The following KIZ variants were observed in gnomAD, a reference collection of about 807,000 sequenced individuals.
KIZ encodes the protein centrosomal protein kizuna.
In KIZ, 68 loss-of-function variants were observed where a neutral mutation model predicts 79.6. That is an observed-to-expected ratio of 0.85 (90% CI 0.70 to 1.05). The LOEUF (loss-of-function observed/expected upper bound fraction) is 1.05, where lower values mean the gene tolerates loss of function less well. Ranked by LOEUF, KIZ falls within the 50% of genes least tolerant of loss-of-function variation. The pLI, the probability that KIZ is intolerant of heterozygous loss-of-function variation, is 0.00. For synonymous variants in KIZ, 280 were observed against 281.8 expected (o/e 0.99, Z 0.06); for missense variants, 797 against 800.4 (o/e 1.00, Z 0.05).
chr20:21,201,323 T>C (rs1222378251), intron 6 of KIZ, among the ~76,000 whole-genome samples: 2 of 152,254 alleles, frequency 1.3e-5, no homozygotes, highest in African/African-American at 4.8e-5. Context: ...TATTGTCTTC[T>C]GGAAAACATT....
chr20:21,176,578 A>C (rs1021117692), intron 6 of KIZ, among the ~76,000 whole-genome samples: 2 of 152,104 alleles, frequency 1.3e-5, no homozygotes, highest in African/African-American at 4.8e-5. Context: ...GCAAAAAAAA[A>C]AAAAAAATAC....
chr20:21,209,273 G>C (rs2035964978), intron 7 of KIZ, among the ~76,000 whole-genome samples: 1 of 152,176 alleles, frequency 6.6e-6, no homozygotes, highest in African/African-American at 2.4e-5. Context: ...TGAGCTGCCT[G>C]CTTTTAAATT....
rs762733814 is a variant in KIZ at position 21,162,167 on chromosome 20, G to GA, written c.706dup (p.Met236AsnfsTer10). On this transcript the variant is annotated frameshift_variant, in exon 5 of 13. Coordinates refer to ENST00000619189, the MANE Select transcript of KIZ (RefSeq NM_018474.6). LOFTEE classifies it high-confidence loss of function. ...GAAAGGCATCTCTTCAGATTGGTGA[G>GA]AAAATGCCAGTCACAGCCAGTGTAT... The GA allele has an allele frequency of 8.7e-6, 14 of 1,611,074 alleles. No individual in the cohort carries two copies. In the South Asian group the frequency reaches 1.4e-4, roughly 16 times the overall value.
intron 6 of KIZ, among the ~76,000 whole-genome samples, chr20:21,181,232 A>G (rs1365966563): frequency 1.3e-5 from 2 of 152,156 alleles, no homozygotes; most frequent in Non-Finnish European, 2.9e-5. Flanking sequence ...AGGGTCTGCA[A>G]AGTGTCTTTT....
chr20:21,240,195 G>A (rs2037167123), intron 11 of KIZ, among the ~76,000 whole-genome samples: 1 of 152,138 alleles, frequency 6.6e-6, no homozygotes, highest in East Asian at 1.9e-4. Flanking sequence ...TGCAATGTCA[G>A]CTCACTGTAA....
intron 4 of KIZ, among the ~76,000 whole-genome samples, chr20:21,147,994 T>TGTGTGTGTGGGG (rs1305964631): frequency 6.6e-6 from 1 of 151,134 alleles, no homozygotes; most frequent in African/African-American, 2.4e-5. Flanking sequence ...TGTGTGTGTG[T>TGTGTGTGTGGGG]GGCAGCAGAT....
chr20:21,147,075 A>G (rs1378076206), intron 4 of KIZ, among the ~76,000 whole-genome samples: 1 of 152,194 alleles, frequency 6.6e-6, no homozygotes, highest in Non-Finnish European at 1.5e-5. Flanking sequence ...TTTCTATGCC[A>G]TTCTTGATAG....
At chr20:21,182,805 A>T (rs1273364837) in intron 6 of KIZ, among the ~76,000 whole-genome samples, 1 of 150,638 alleles carries the variant, frequency 6.6e-6, no homozygotes, top group East Asian at 1.9e-4. Flanking sequence ...CCCACCAAAA[A>T]AAAAAAAAAA....
At chr20:21,231,999 G>A (rs182958615) in intron 10 of KIZ, among the ~76,000 whole-genome samples, 27 of 152,326 alleles carry the variant, frequency 1.8e-4, no homozygotes, top group African/African-American at 6.3e-4. Flanking sequence ...ATGCAAGCAG[G>A]CAGGTTACAG....
chr20:21,230,682 T>A (rs1454822341), intron 10 of KIZ, among the ~76,000 whole-genome samples: 2 of 152,184 alleles, frequency 1.3e-5, no homozygotes, highest in Non-Finnish European at 2.9e-5. Flanking sequence ...AAAAGCCCCC[T>A]GGGAGAGCCG....
chr20:21,223,867 G>A (rs546968714), intron 9 of KIZ, among the ~76,000 whole-genome samples: 19 of 151,870 alleles, frequency 1.3e-4, no homozygotes, highest in African/African-American at 4.3e-4. Context: ...TAGTAGAGAC[G>A]GGGTTTCACC....
chr20:21,133,960 G>A (rs533168366), intron 2 of KIZ, among the ~76,000 whole-genome samples: 1 of 152,218 alleles, frequency 6.6e-6, no homozygotes, highest in Non-Finnish European at 1.5e-5. Flanking sequence ...GCAGCCCCAG[G>A]TGGAGTTAAC....
intron 6 of KIZ, among the ~76,000 whole-genome samples, chr20:21,203,290 G>A (rs2035669700): frequency 6.6e-6 from 1 of 152,088 alleles, no homozygotes; most frequent in Non-Finnish European, 1.5e-5. Context: ...TATTTGGTTG[G>A]TATGTTTAAC....
rs142792477 is a variant in KIZ at position 21,168,094 on chromosome 20, C to T, written c.1352+4935C>T. 2.5e-3 allele frequency among the ~76,000 whole-genome samples: 376 copies of T among 152,228 alleles called. 1 individual carries two copies. Among genetic ancestry groups the T allele is most frequent in the African/African-American group, 7.5e-3 (312 of 41,538 alleles). On this transcript the variant is annotated intron_variant, in intron 6 of 12. Transcript: ENST00000619189. ...CACTCCCCTACCCCACAACAGGCCCCGGTGTGTGATGCTCCCCTTCCTGTG... is the reference window on the plus strand; with the variant it reads ...CACTCCCCTACCCCACAACAGGCCCTGGTGTGTGATGCTCCCCTTCCTGTG...
chr20:21,158,179 G>C (rs2033475500), intron 4 of KIZ, among the ~76,000 whole-genome samples: 1 of 152,120 alleles, frequency 6.6e-6, no homozygotes, highest in Non-Finnish European at 1.5e-5. Flanking sequence ...ATATATATCA[G>C]CTTTTTTATT....
rs1342259128 is a variant in KIZ, at chr20:21,215,598, G to A, written c.1628G>A (p.Cys543Tyr). The A allele has an allele frequency of 6.2e-7, 1 of 1,601,538 alleles. No individual in the cohort carries two copies. The highest frequency in any genetic ancestry group is 8.5e-7 in the Non-Finnish European group (1 of 1,170,882). The change falls in exon 9 of 13, where the codon TGT becomes TAT. Residue 543 changes from cysteine (C) to tyrosine (Y), a missense_variant. Coordinates refer to ENST00000619189, the MANE Select transcript of KIZ (RefSeq NM_018474.6). ...PTREQEVSSG[C>Y]GDKSKKENVA... ...CAATTTTTAGAAGTTTCAAGTGGCT[G>A]TGGAGACAAGAGCAAGAAAGAAAAT...
intron 6 of KIZ, chr20:21,166,420 C>CCCAG: frequency 6.3e-7 from 1 of 1,595,136 alleles, no homozygotes; most frequent in Non-Finnish European, 8.5e-7. Flanking sequence ...ACAACAATTT[C>CCCAG]CCAGCTCTGT....
chr20:21,149,394 C>T (rs1256639634), intron 4 of KIZ, among the ~76,000 whole-genome samples: 1 of 151,998 alleles, frequency 6.6e-6, no homozygotes, highest in African/African-American at 2.4e-5. Flanking sequence ...GCTGAGGACC[C>T]GCCCCCTAAA....
At chr20:21,194,714 G>A (rs1257778578) in intron 6 of KIZ, 1 of 152,144 alleles carries the variant, frequency 6.6e-6, no homozygotes, top group Non-Finnish European at 1.5e-5. Context: ...TGTCAGCCAG[G>A]TGTGGTGGCT....
Sources: allele counts gnomAD v4.1 joint callset (sites outside exome capture counted in the v4.1 genomes callset), GRCh38; gene constraint gnomAD v4.1.1; transcripts MANE v1.5; gene names NCBI Gene and HGNC (gene_info 2026-07-23, HGNC 2026-07-21).